Variants in GRID2 observed in about 807,000 individuals in gnomAD.
GRID2 encodes glutamate receptor ionotropic, delta-2.
GRID2 carries 33 observed loss-of-function variants against 114.8 expected under a neutral mutation model. The ratio of observed to expected loss-of-function variants is 0.29; its 90% CI spans 0.22 to 0.38. GRID2 has a LOEUF of 0.38. Ranked by LOEUF, GRID2 falls within the 10% of genes least tolerant of loss-of-function variation. GRID2 has a pLI of 1.00. For synonymous variants in GRID2, 505 were observed against 449.9 expected, an observed-to-expected ratio of 1.12 and a Z score of -1.55; for missense variants, 1,184 against 1,257.7, an observed-to-expected ratio of 0.94 and a Z score of 0.89.
At position 93,557,345 on chromosome 4, in the gene GRID2, G is replaced by A. The variant is rs544373464; in HGVS notation, c.2193+41934G>A. ...TCAGTGTGCTGTATTCAGGAGACCC[G>A]TCTCCCATGCAGACACACATAGGCT... On this transcript the variant is annotated intron_variant, in intron 13 of 15. Coordinates refer to ENST00000282020, the MANE Select transcript of GRID2 (RefSeq NM_001510.4). 1.9e-4 allele frequency among the ~76,000 whole-genome samples: 29 copies of A among 152,154 alleles called. No homozygotes were observed. The South Asian group carries it at 2.7e-3, about 14-fold the overall frequency.
intron 1 of GRID2, among the ~76,000 whole-genome samples, chr4:92,444,098 G>C (rs1157100730): frequency 6.6e-6 from 1 of 152,204 alleles, no homozygotes; most frequent in Non-Finnish European, 1.5e-5. Context: ...TGGTCAGTCT[G>C]AGGACCTGAG....
chr4:92,669,424 G>A (rs1732944605), intron 2 of GRID2, among the ~76,000 whole-genome samples: 1 of 151,956 alleles, frequency 6.6e-6, no homozygotes, highest in African/African-American at 2.4e-5. Flanking sequence ...ATGGAGAGCT[G>A]AAACAGAGTA....
chr4:92,355,202 G>A (rs1014704191), intron 1 of GRID2, among the ~76,000 whole-genome samples: 1 of 151,736 alleles, frequency 6.6e-6, no homozygotes, highest in African/African-American at 2.4e-5. Context: ...TTCAGCCATG[G>A]CCACATTACG....
At chr4:92,880,232 G>C (rs560454982) in intron 2 of GRID2, among the ~76,000 whole-genome samples, 1 of 152,148 alleles carries the variant, frequency 6.6e-6, no homozygotes, top group African/African-American at 2.4e-5. Context: ...GGAGCATTTG[G>C]AGGAGTATTA....
At chr4:92,564,444 A>C (rs1358999449) in intron 1 of GRID2, among the ~76,000 whole-genome samples, 2 of 151,988 alleles carry the variant, frequency 1.3e-5, no homozygotes, top group Admixed American at 1.3e-4. Flanking sequence ...AGACACTTAA[A>C]CAAGTGCCAA....
chr4:93,102,049 TA>T lies in GRID2; in HGVS notation c.530-8690del, dbSNP rs111938773. On this transcript the variant is annotated intron_variant, in intron 3 of 15. Coordinates refer to ENST00000282020, the MANE Select transcript of GRID2 (RefSeq NM_001510.4). ...TTATCAAAGTATCAGATGTTTGCTT[TA>T]AAAAAAAATGTATTAATCAAGACCC... 9.5e-3 allele frequency among the ~76,000 whole-genome samples: 1,441 copies of T among 151,548 alleles called. 22 individuals carry two copies. Among genetic ancestry groups the T allele is most frequent in the African/African-American group, 0.027 (1,115 of 41,342 alleles).
chr4:92,389,010 G>A (rs369743440), intron 1 of GRID2, among the ~76,000 whole-genome samples: 1 of 151,856 alleles, frequency 6.6e-6, no homozygotes, highest in Non-Finnish European at 1.5e-5. Flanking sequence ...AATGGAAACC[G>A]GCCCTTAATA....
At chr4:92,737,685 T>C (rs1736664444) in intron 2 of GRID2, among the ~76,000 whole-genome samples, 1 of 152,140 alleles carries the variant, frequency 6.6e-6, no homozygotes, top group Non-Finnish European at 1.5e-5. Flanking sequence ...GAATTATATA[T>C]GCCAAAATTT....
intron 10 of GRID2, among the ~76,000 whole-genome samples, chr4:93,446,003 A>G (rs1560626724): frequency 6.6e-6 from 1 of 151,964 alleles, no homozygotes; most frequent in Non-Finnish European, 1.5e-5. Flanking sequence ...GCACACTCCT[A>G]AGAAATTTCT....
intron 1 of GRID2, among the ~76,000 whole-genome samples, chr4:92,456,695 G>T (rs567569945): frequency 4.6e-5 from 7 of 152,078 alleles, no homozygotes; most frequent in African/African-American, 1.7e-4. Context: ...TATGCCTTAT[G>T]TTTGGAATAA....
chr4:92,467,914 A>G (rs892028465), intron 1 of GRID2, among the ~76,000 whole-genome samples: 3 of 151,984 alleles, frequency 2.0e-5, no homozygotes, highest in Non-Finnish European at 2.9e-5. Context: ...CTTGGAAATG[A>G]GTGATATGGA....
At chr4:93,360,299 T>C (rs1249981909) in intron 8 of GRID2, among the ~76,000 whole-genome samples, 1 of 152,034 alleles carries the variant, frequency 6.6e-6, no homozygotes, top group Non-Finnish European at 1.5e-5. Flanking sequence ...TGTATTCCAT[T>C]CTCTATCTTG....
chr4:93,233,723 T>C (rs1301538112), intron 7 of GRID2, among the ~76,000 whole-genome samples: 1 of 152,086 alleles, frequency 6.6e-6, no homozygotes, highest in East Asian at 1.9e-4. Context: ...GCAACTGCCA[T>C]TGAACCAGAC....
intron 4 of GRID2, among the ~76,000 whole-genome samples, chr4:93,130,027 A>G: frequency 6.6e-6 from 1 of 152,332 alleles, no homozygotes; most frequent in African/African-American, 2.4e-5. Context: ...GCTGCCAGAC[A>G]TAGAATGACA....
chr4:93,447,217 T>G (rs1722171817), intron 10 of GRID2, among the ~76,000 whole-genome samples: 1 of 151,968 alleles, frequency 6.6e-6, no homozygotes, highest in Admixed American at 6.6e-5. Flanking sequence ...TTTAAAACTT[T>G]GCTTACAGAA....
At chr4:92,557,363 A>C (rs1335628961) in intron 1 of GRID2, among the ~76,000 whole-genome samples, 4 of 151,412 alleles carry the variant, frequency 2.6e-5, no homozygotes, top group Non-Finnish European at 5.9e-5. Flanking sequence ...TTTTATTCTT[A>C]AGCTAGTAAT....
chr4:92,938,470 T>A (rs1228512740), intron 2 of GRID2, among the ~76,000 whole-genome samples: 1 of 146,894 alleles, frequency 6.8e-6, no homozygotes, highest in African/African-American at 2.4e-5. Context: ...CTACTTCTAT[T>A]TCTAAATCTC....
At chr4:92,562,825 C>T (rs578196552) in intron 1 of GRID2, among the ~76,000 whole-genome samples, 3 of 152,218 alleles carry the variant, frequency 2.0e-5, no homozygotes, top group African/African-American at 7.2e-5. Context: ...AATATGTAAT[C>T]GTTTTACATA....
intron 2 of GRID2, among the ~76,000 whole-genome samples, chr4:92,710,666 A>G (rs1735201952): frequency 6.6e-6 from 1 of 152,082 alleles, no homozygotes; most frequent in Admixed American, 6.6e-5. Flanking sequence ...TATTTCCTTG[A>G]TACACCCTTG....
Sources: allele counts gnomAD v4.1 joint callset (sites outside exome capture counted in the v4.1 genomes callset), GRCh38; gene constraint gnomAD v4.1.1; transcripts MANE v1.5; gene names NCBI Gene and HGNC (gene_info 2026-07-23, HGNC 2026-07-21).